PCDH11X: variants seen among roughly 807,000 people sequenced by gnomAD.
The protein encoded by PCDH11X is protocadherin 11 X-linked.
A neutral mutation model predicts 53.3 loss-of-function variants in PCDH11X; 18 were observed. The ratio of observed to expected loss-of-function variants is 0.34; its 90% CI spans 0.23 to 0.50. The LOEUF (loss-of-function observed/expected upper bound fraction) is 0.50, where lower values mean the gene tolerates loss of function less well. Among genes scored for constraint, PCDH11X ranks in the 20% least tolerant of loss-of-function variants. The pLI, the probability that PCDH11X is intolerant of heterozygous loss-of-function variation, is 0.98. For synonymous variants in PCDH11X, 279 were observed against 393.3 expected, an observed-to-expected ratio of 0.71 and a Z score of 3.44; for missense variants, 570 against 1,032.4, an observed-to-expected ratio of 0.55 and a Z score of 6.14.
chrX:92,066,859 T>C (rs112159325), intron 6 of PCDH11X, among the ~76,000 whole-genome samples: 7,906 of 112,224 alleles, frequency 0.07, 696 homozygotes, highest in African/African-American at 0.24. Flanking sequence ...ATCCCAGCAC[T>C]TTGGGAGGCC....
chrX:91,977,038 C>CT (rs1336591017), intron 6 of PCDH11X, among the ~76,000 whole-genome samples: 3 of 110,002 alleles, frequency 2.7e-5, no homozygotes, highest in Non-Finnish European at 5.7e-5. Context: ...AATCAAGTAT[C>CT]TGTACTTCCT....
chrX:92,619,773 T>A lies in PCDH11X; in HGVS notation c.*833T>A, dbSNP rs1228808343. On this transcript the variant is annotated 3_prime_UTR_variant, in exon 11 of 11. Transcript: ENST00000682573. The stretch of plus-strand genomic sequence containing the variant: ...TGTATCTGCCATTTTAAGCCTGTAG[T>A]CCATTATTACTTGGGTCTTTACTTC... 1 of 110,752 alleles carries A rather than the reference T, an allele frequency of 9.0e-6. No homozygotes were observed. The highest frequency in any genetic ancestry group is 1.9e-5 in the Non-Finnish European group (1 of 52,890). The allele number at this position is 110,752 out of a possible 1,213,427, so 9.1% of individuals were successfully genotyped here.
At chrX:91,811,466 G>A (rs1454354111) in intron 4 of PCDH11X, among the ~76,000 whole-genome samples, 171 bp downstream of exon 4, 1 of 109,203 alleles carries the variant, frequency 9.2e-6, no homozygotes, top group Non-Finnish European at 1.9e-5. Context: ...GGAAGGGGAA[G>A]TCTATATTCC....
intron 8 of PCDH11X, among the ~76,000 whole-genome samples, chrX:92,313,877 T>C (rs1238941583): frequency 9.0e-6 from 1 of 111,341 alleles, no homozygotes; most frequent in Non-Finnish European, 1.9e-5. Context: ...GGTACACTCA[T>C]ATAGGGCAAT....
In PCDH11X at chrX:92,347,020, C is replaced by A. The variant is rs190037997; in HGVS notation, c.3145-40715C>A. ...TTGAGTCATTCCCTTGAATTATATA[C>A]GTATATTATGTGACTTTTGTGCTAA... On this transcript the variant is annotated intron_variant, in intron 8 of 10. Coordinates refer to ENST00000682573, the MANE Select transcript of PCDH11X (RefSeq NM_032968.5). Among the ~76,000 whole-genome samples the A allele has an allele frequency of 6.3e-5, 7 of 111,358 alleles. No individual in the cohort carries two copies. The South Asian group carries it at 1.5e-3, about 23-fold the overall frequency.
At chrX:92,549,530 C>T (rs1028320512) in intron 10 of PCDH11X, among the ~76,000 whole-genome samples, 5 of 108,622 alleles carry the variant, frequency 4.6e-5, no homozygotes, top group African/African-American at 6.7e-5. Flanking sequence ...TTTTCAAATT[C>T]GTGATCTAAA....
chrX:91,950,398 C>T (rs2061624003), intron 6 of PCDH11X, among the ~76,000 whole-genome samples: 1 of 109,011 alleles, frequency 9.2e-6, no homozygotes, highest in African/African-American at 3.3e-5. Flanking sequence ...TAAGTGAGAA[C>T]ATGCAGTATT....
chrX:91,917,209 T>C (rs1330113399), intron 6 of PCDH11X, among the ~76,000 whole-genome samples: 1 of 108,611 alleles, frequency 9.2e-6, no homozygotes, highest in Non-Finnish European at 1.9e-5. Flanking sequence ...AGCATTATGC[T>C]AAATGGGGAA....
rs1196297173 is a variant in PCDH11X, at chrX:92,623,086, C to T, written c.*4146C>T. The T allele has an allele frequency of 9.0e-6, 1 of 110,775 alleles. No homozygotes were observed. Among genetic ancestry groups the T allele is most frequent in the Non-Finnish European group, 1.9e-5 (1 of 52,757 alleles). 9.1% of individuals were successfully genotyped at this position (110,775 alleles called of 1,213,427 possible). ...GTATCCCAAAGCAGTTCCAACCATG[C>T]TTTGGAAGTAAGAAGGTTGACTATT... On this transcript the variant is annotated 3_prime_UTR_variant, in exon 11 of 11. Transcript: ENST00000682573.
At chrX:92,300,712 C>G (rs1284091481) in intron 8 of PCDH11X, among the ~76,000 whole-genome samples, 1 of 111,777 alleles carries the variant, frequency 8.9e-6, no homozygotes, top group Admixed American at 9.5e-5. Context: ...CTCCTAACAT[C>G]GTGATCCACC....
At chrX:92,117,272 A>G (rs1426950064) in intron 6 of PCDH11X, among the ~76,000 whole-genome samples, 1 of 109,570 alleles carries the variant, frequency 9.1e-6, no homozygotes, top group African/African-American at 3.3e-5. Flanking sequence ...CCCCGTCTCT[A>G]CCAAAATACA....
intron 5 of PCDH11X, among the ~76,000 whole-genome samples, chrX:91,839,921 C>T (rs1200655225): frequency 4.5e-5 from 5 of 111,961 alleles, no homozygotes. Context: ...TTTACATACT[C>T]ACACACATCG....
chrX:91,936,328 A>G (rs2061444312), intron 6 of PCDH11X, among the ~76,000 whole-genome samples: 1 of 109,326 alleles, frequency 9.1e-6, no homozygotes, highest in Non-Finnish European at 1.9e-5. Flanking sequence ...GTAGTTGAAC[A>G]TAGAGTTAAA....
At chrX:92,120,549 ATAAAG>A (rs754675620) in intron 6 of PCDH11X, among the ~76,000 whole-genome samples, 372 of 113,110 alleles carry the variant, frequency 3.3e-3, no homozygotes, top group Non-Finnish European at 5.3e-3. Context: ...TTCACTTTTG[ATAAAG>A]TAATTCAAAT....
At chrX:91,971,678 T>G (rs1200052878) in intron 6 of PCDH11X, among the ~76,000 whole-genome samples, 1 of 112,135 alleles carries the variant, frequency 8.9e-6, no homozygotes, top group African/African-American at 3.2e-5. Flanking sequence ...AACAACTAGT[T>G]GGCAGAATTT....
intron 1 of PCDH11X, among the ~76,000 whole-genome samples, chrX:91,805,998 C>T (rs1354910176): frequency 4.0e-4 from 44 of 110,970 alleles, no homozygotes; most frequent in Admixed American, 3.9e-3. Flanking sequence ...GAATAAGGGA[C>T]TATAAAGTAG....
intron 6 of PCDH11X, among the ~76,000 whole-genome samples, chrX:92,131,941 G>A (rs2064978812): frequency 9.2e-6 from 1 of 108,373 alleles, no homozygotes; most frequent in Non-Finnish European, 1.9e-5. Flanking sequence ...TTACATTCCA[G>A]CCTTTGTATA....
chrX:92,353,401 T>C (rs1281739775), intron 8 of PCDH11X, among the ~76,000 whole-genome samples: 1 of 111,540 alleles, frequency 9.0e-6, no homozygotes, highest in Non-Finnish European at 1.9e-5. Flanking sequence ...TAAAATACAA[T>C]AATCCCTAAT....
At chrX:91,809,917 T>C (rs1022538212) in intron 2 of PCDH11X, among the ~76,000 whole-genome samples, 3 of 110,994 alleles carry the variant, frequency 2.7e-5, no homozygotes, top group African/African-American at 9.8e-5. Flanking sequence ...ATAAAAAGTA[T>C]GATTCATAGC....
Sources: gnomAD v4.1 joint callset for allele counts (sites outside exome capture counted in the v4.1 genomes callset) on GRCh38, gnomAD v4.1.1 for gene constraint, MANE v1.5 for transcripts, NCBI Gene and HGNC (gene_info 2026-07-23, HGNC 2026-07-21) for gene names.